Variants in LCP2 observed in about 807,000 individuals in gnomAD.
The protein encoded by LCP2 is 76 kDa tyrosine phosphoprotein.
Under a neutral mutation model 74.5 loss-of-function variants are expected in LCP2, and 29 were observed. That is an observed-to-expected ratio of 0.39 (90% CI 0.29 to 0.53). LCP2 has a LOEUF of 0.53. Ranked by LOEUF, LCP2 falls within the 20% of genes least tolerant of loss-of-function variation. The pLI is 0.72. For synonymous variants in LCP2, 228 were observed against 229.5 expected, an observed-to-expected ratio of 0.99 and a Z score of 0.06; for missense variants, 604 against 634.6, an observed-to-expected ratio of 0.95 and a Z score of 0.52.
At chr5:170,249,996 A>G (rs1485852160) in intron 20 of LCP2, among the ~76,000 whole-genome samples, 1 of 152,124 alleles carries the variant, frequency 6.6e-6, no homozygotes, top group Admixed American at 6.5e-5. Context: ...GATCACAAGC[A>G]TGCATTTTTT....
At chr5:170,287,668 A>T (rs1581074920) in intron 3 of LCP2, 1 of 433,930 alleles carries the variant, frequency 2.3e-6, no homozygotes. Context: ...AAACCTTGAC[A>T]CTGATGCTAT....
At chr5:170,266,563 A>C (rs1347234321) in intron 10 of LCP2, among the ~76,000 whole-genome samples, 1 of 152,192 alleles carries the variant, frequency 6.6e-6, no homozygotes, top group Non-Finnish European at 1.5e-5. Flanking sequence ...TGCAAGCAGG[A>C]GCTTTCTAAT....
chr5:170,271,661 T>C (rs1330454912), intron 6 of LCP2, among the ~76,000 whole-genome samples: 1 of 151,986 alleles, frequency 6.6e-6, no homozygotes, highest in Non-Finnish European at 1.5e-5. Context: ...AAGCAGTCCA[T>C]GAAGGTGAAT....
intron 8 of LCP2, among the ~76,000 whole-genome samples, chr5:170,267,584 C>A (rs1761791801): frequency 6.6e-6 from 1 of 151,830 alleles, no homozygotes; most frequent in South Asian, 2.1e-4. Flanking sequence ...GTCACCTCCC[C>A]CCCCCATACC....
chr5:170,294,466 C>T (rs185392143), intron 1 of LCP2, among the ~76,000 whole-genome samples: 3 of 152,328 alleles, frequency 2.0e-5, no homozygotes, highest in Admixed American at 6.5e-5. Flanking sequence ...TGAAGTATCT[C>T]TCAACTTGCT....
Position 170,250,796 on chromosome 5 carries a change from G to A in LCP2, c.1413C>T (p.Asn471=), listed in dbSNP as rs772264698. Residue 471 remains asparagine, a synonymous_variant, in exon 20 of 21, where the codon AAC becomes AAT. Transcript: ENST00000046794. ...TTTCCTTCTGATAACGGATCTGGAT[G>A]TTGTAAACTTTATCTTTGTACAACA... ...LMVLYKDKVY[N]IQIRYQKESQ... is the part of the protein sequence containing the mutation. 1 of 1,612,460 alleles carries A rather than the reference G, an allele frequency of 6.2e-7. No homozygotes were observed.
chr5:170,264,148 G>A (rs778152977), intron 10 of LCP2, among the ~76,000 whole-genome samples: 5 of 152,176 alleles, frequency 3.3e-5, no homozygotes, highest in South Asian at 2.1e-4. Flanking sequence ...CCCCAGAACC[G>A]ATGAACTTTC....
chr5:170,267,020 T>C lies in LCP2; in HGVS notation c.677A>G (p.Lys226Arg), dbSNP rs780641513. 3.7e-6 allele frequency: 6 copies of C among 1,613,930 alleles called. No individual in the cohort carries two copies. The highest frequency in any genetic ancestry group is 5.1e-6 in the Non-Finnish European group (6 of 1,179,886). Residue 226 changes from lysine (K) to arginine (R), a missense_variant, in exon 9 of 21, where the codon AAA (lysine) becomes AGA (arginine). Coordinates refer to ENST00000046794, the MANE Select transcript of LCP2 (RefSeq NM_005565.5). ...HEEPSRSRNH[K>R]TAKLPAPSID... ...GCCCTTGTACTCACGCTTTGCCGTTTTGTGGTTTCTGCTTCTGCTGGGTTC... is the reference window on the plus strand; with the variant it reads ...GCCCTTGTACTCACGCTTTGCCGTTCTGTGGTTTCTGCTTCTGCTGGGTTC...
rs757479501 is a variant in LCP2 at position 170,270,812 on chromosome 5, C to G, written c.430G>C (p.Asp144His). The G allele has an allele frequency of 1.2e-6, 2 of 1,612,104 alleles. No individual in the cohort carries two copies. Among genetic ancestry groups the G allele is most frequent in the Non-Finnish European group, 1.7e-6 (2 of 1,179,054 alleles). ...TCATTGGAGGGTGGCGGCTCATAAT[C>G]CGCGTCATCTTCCACGGGTGCCTCT... ...EEEAPVEDDADYEPPPSNDEE... is the reference protein window; with the variant it reads ...EEEAPVEDDAHYEPPPSNDEE... The change falls in exon 7 of 21, where the codon GAT becomes CAT. Residue 144 changes from aspartate (D) to histidine (H), a missense_variant. Physicochemically the swap from Asp to His is moderately conservative, Grantham distance 81 (BLOSUM62 -1). Transcript: ENST00000046794.
chr5:170,278,469 T>G (rs1400735514), intron 3 of LCP2, among the ~76,000 whole-genome samples: 150 of 4,964 alleles, frequency 0.03, no homozygotes, highest in Admixed American at 0.043. Context: ...AGTGCAGGGG[T>G]GGGGGGCTGG....
intron 13 of LCP2, among the ~76,000 whole-genome samples, 193 bp from the exon 14 acceptor site, chr5:170,261,330 A>G (rs1047420673): frequency 1.3e-5 from 2 of 152,140 alleles, no homozygotes; most frequent in African/African-American, 4.8e-5. Context: ...ATGTTCTGCC[A>G]TCATTGCAAG....
intron 13 of LCP2, among the ~76,000 whole-genome samples, chr5:170,261,352 A>T (rs1761647248): frequency 6.6e-6 from 1 of 152,018 alleles, no homozygotes; most frequent in Non-Finnish European, 1.5e-5. Context: ...TGAGCTAGGC[A>T]AACCTTTGTT....
chr5:170,276,177 C>T (rs748641658), intron 3 of LCP2, among the ~76,000 whole-genome samples: 18 of 152,154 alleles, frequency 1.2e-4, no homozygotes, highest in Non-Finnish European at 2.5e-4. Flanking sequence ...GCTTTCCCTC[C>T]AAAAATCAGG....
chr5:170,293,720 T>G lies in LCP2; in HGVS notation c.79-348A>C, dbSNP rs185171391. 4.6e-3 allele frequency among the ~76,000 whole-genome samples: 695 copies of G among 152,368 alleles called. 3 individuals carry two copies. In the Middle Eastern group the frequency reaches 0.048, roughly 10 times the overall value. ...ATTGTCTCGATGCCCAGAGACGACCTCGGTGTTTCTTTCCATGCTTTCTTC... is the reference window on the plus strand; with the variant it reads ...ATTGTCTCGATGCCCAGAGACGACCGCGGTGTTTCTTTCCATGCTTTCTTC... On this transcript the variant is annotated intron_variant, in intron 1 of 20. Transcript: ENST00000046794.
At chr5:170,268,361 G>T (rs1055097778) in intron 8 of LCP2, 24 bp downstream of exon 8, 4 of 426,604 alleles carry the variant, frequency 9.4e-6, no homozygotes, top group Admixed American at 5.5e-5. Context: ...ACCAAGTACT[G>T]TAAAAGAACG....
chr5:170,276,853 G>A (rs760578012), intron 3 of LCP2, among the ~76,000 whole-genome samples: 16 of 151,882 alleles, frequency 1.1e-4, no homozygotes, highest in South Asian at 2.1e-4. Flanking sequence ...GGCAGATGGC[G>A]GATCATGAAG....
intron 18 of LCP2, among the ~76,000 whole-genome samples, chr5:170,252,853 C>T (rs548759310): frequency 8.5e-5 from 13 of 152,208 alleles, no homozygotes; most frequent in African/African-American, 1.7e-4. Context: ...AGTTAAGTGA[C>T]GAATCAAGGT....
rs1280932067 is a variant in LCP2, at chr5:170,256,148, TGTA to T, written c.1150+375_1150+377del. ...AGGGCTGGCTTCCTGGTGAAGTGTG[TGTA>T]GGTGTGTCCATGTATGTATGTGTGT... On this transcript the variant is annotated intron_variant, in intron 17 of 20. Transcript: ENST00000046794. The surrounding 1 kb of genome is among the most constrained non-coding windows in gnomAD (Gnocchi z 4.5). Among the ~76,000 whole-genome samples the T allele has an allele frequency of 6.6e-6, 1 of 152,108 alleles. No homozygotes were observed. Among genetic ancestry groups the T allele is most frequent in the African/African-American group, 2.4e-5 (1 of 41,412 alleles).
In LCP2 at chr5:170,270,779, C is replaced by T. The variant is rs765182237; in HGVS notation, c.463G>A (p.Ala155Thr). 1.2e-5 allele frequency: 19 copies of T among 1,603,952 alleles called. No homozygotes were observed. Among genetic ancestry groups the T allele is most frequent in the South Asian group, 1.1e-4 (10 of 88,960 alleles). The change falls in exon 7 of 21, where the codon GCT becomes ACT. Residue 155 changes from alanine (A) to threonine (T), a missense_variant. Coordinates refer to ENST00000046794, the MANE Select transcript of LCP2 (RefSeq NM_005565.5). ...YEPPPSNDEE[A>T]LQNSILPAKP... The stretch of plus-strand genomic sequence containing the variant: ...GCAGGCAGGATGGAGTTCTGCAGAG[C>T]TTCCTCGTCATTGGAGGGTGGCGGC...
Sources: gnomAD v4.1 joint callset for allele counts (sites outside exome capture counted in the v4.1 genomes callset) on GRCh38, gnomAD v4.1.1 for gene constraint, Gnocchi (gnomAD v3.1) non-coding constraint, MANE v1.5 for transcripts, NCBI Gene and HGNC (gene_info 2026-07-23, HGNC 2026-07-21) for gene names.